Variants in USP32 observed in about 807,000 individuals in gnomAD.
The protein encoded by USP32 is ubiquitin specific peptidase 32.
USP32 carries 59 observed loss-of-function variants against 204.8 expected under a neutral mutation model. The observed-to-expected ratio is 0.29, with a 90% CI of 0.23 to 0.36. The LOEUF (loss-of-function observed/expected upper bound fraction) is 0.36. Ranked by LOEUF, USP32 falls within the 10% of genes least tolerant of loss-of-function variation. USP32 has a pLI of 1.00. For synonymous variants in USP32, 517 were observed against 678.4 expected (o/e 0.76, Z 3.70); for missense variants, 1,160 against 1,946.4 (o/e 0.60, Z 7.60).
chr17:60,255,256 C>G lies in USP32; in HGVS notation c.993G>C (p.Met331Ile). The change falls in exon 10 of 34, where the codon ATG becomes ATC. Residue 331 changes from methionine to isoleucine, a missense_variant and splice_region_variant. Met to Ile is a conservative substitution (Grantham distance 10). Transcript: ENST00000300896. ...GILNAHDTTKMGHLTLEDYQI... is the reference protein window; with the variant it reads ...GILNAHDTTKIGHLTLEDYQI... ...GATAGTCTTCCAGAGTAAGATGACC[C>G]ATCTGAAACAGAGACACTCATGTTA... 6.3e-7 allele frequency: 1 copy of G among 1,597,962 alleles called. No individual in the cohort carries two copies. Among genetic ancestry groups the G allele is most frequent in the Non-Finnish European group, 8.5e-7 (1 of 1,173,940 alleles).
chr17:60,212,811 T>A (rs2085005393), intron 18 of USP32, among the ~76,000 whole-genome samples: 1 of 152,100 alleles, frequency 6.6e-6, no homozygotes, highest in Non-Finnish European at 1.5e-5. Flanking sequence ...TGGAGTGCAG[T>A]GATGTGATCT....
intron 1 of USP32, among the ~76,000 whole-genome samples, chr17:60,373,386 G>A (rs905140307): frequency 1.3e-4 from 19 of 151,256 alleles, no homozygotes; most frequent in African/African-American, 4.4e-4. Context: ...GTGCAATTCG[G>A]TTACACCAAA....
Position 60,369,047 on chromosome 17 carries a change from T to TA in USP32, c.58+22834_58+22835insT, listed in dbSNP as rs1567879400. Reference sequence around the variant, plus strand: ...TCTCGCTCTGTCGCCCAGGCTGGAGTGCAGTGGCGGGATCTCGGCTCACTG... The same window carrying TA: ...TCTCGCTCTGTCGCCCAGGCTGGAGTAGCAGTGGCGGGATCTCGGCTCACTG... On this transcript the variant is annotated intron_variant, in intron 1 of 33. Coordinates refer to ENST00000300896, the MANE Select transcript of USP32 (RefSeq NM_032582.4). Among the ~76,000 whole-genome samples the TA allele has an allele frequency of 3.8e-4, 48 of 126,850 alleles. No homozygotes were observed. The East Asian group carries it at 8.5e-3, about 22-fold the overall frequency. 83.2% of individuals were successfully genotyped at this position (126,850 alleles called of 152,430 possible).
At chr17:60,196,806 C>CA (rs2084531382) in intron 27 of USP32, among the ~76,000 whole-genome samples, 2 of 152,008 alleles carry the variant, frequency 1.3e-5, no homozygotes, top group South Asian at 4.1e-4. Context: ...GCCTGGGTGA[C>CA]AGAGCGAGAC....
intron 3 of USP32, among the ~76,000 whole-genome samples, chr17:60,300,789 C>T (rs377505363): frequency 6.6e-6 from 1 of 152,126 alleles, no homozygotes; most frequent in Admixed American, 6.6e-5. Context: ...TATGTAATTC[C>T]AGAACATTTT....
chr17:60,296,557 A>G (rs2087434721), intron 3 of USP32, among the ~76,000 whole-genome samples: 2 of 152,358 alleles, frequency 1.3e-5, no homozygotes, highest in South Asian at 2.1e-4. Context: ...TTGGACTTCT[A>G]GCCTTCAGAA....
intron 17 of USP32, 105 bp from the exon 18 acceptor site, chr17:60,213,767 T>A: frequency 2.3e-6 from 3 of 1,332,222 alleles, no homozygotes; most frequent in Non-Finnish European, 3.0e-6. Context: ...TTTGTAGTTA[T>A]ATAACATATC....
intron 16 of USP32, among the ~76,000 whole-genome samples, chr17:60,215,487 A>G (rs2085077614): frequency 7.1e-6 from 1 of 140,812 alleles, no homozygotes; most frequent in East Asian, 2.0e-4. Context: ...GGACAGAGTT[A>G]AAAAAAAAAA....
At chr17:60,411,910 A>G (rs1174109717) in intron 1 of USP32, among the ~76,000 whole-genome samples, 1 of 152,078 alleles carries the variant, frequency 6.6e-6, no homozygotes, top group Non-Finnish European at 1.5e-5. Context: ...GGTTGTTTCC[A>G]CTTTTTGGCT....
At chr17:60,305,894 G>A (rs1421192989) in intron 2 of USP32, among the ~76,000 whole-genome samples, 6 of 151,952 alleles carry the variant, frequency 3.9e-5, no homozygotes, top group Middle Eastern at 3.2e-3. Context: ...CCTCCCTATC[G>A]CTCCCAAAAT....
chr17:60,389,128 C>T (rs1202888255), intron 1 of USP32, among the ~76,000 whole-genome samples: 1 of 152,128 alleles, frequency 6.6e-6, no homozygotes, highest in East Asian at 1.9e-4. Flanking sequence ...TCCTATCTAC[C>T]CTTTCCCCCA....
Position 60,287,203 on chromosome 17 carries a change from G to A in USP32, c.571+1320C>T, listed in dbSNP as rs114441917. Among the ~76,000 whole-genome samples the A allele has an allele frequency of 1.4e-3, 211 of 152,240 alleles. 1 individual carries two copies. Among genetic ancestry groups the A allele is most frequent in the African/African-American group, 4.6e-3 (189 of 41,538 alleles). ...GAAGGGCCTGGAGGGAGTCACACCC[G>A]TGAGCCAGTTAACGTTCTTTTCTGC... On this transcript the variant is annotated intron_variant, in intron 5 of 33. Coordinates refer to ENST00000300896, the MANE Select transcript of USP32 (RefSeq NM_032582.4).
At chr17:60,361,916 T>C (rs911237674) in intron 1 of USP32, among the ~76,000 whole-genome samples, 34 of 152,128 alleles carry the variant, frequency 2.2e-4, no homozygotes, top group African/African-American at 7.5e-4. Flanking sequence ...CACAAAGATA[T>C]AGTGTTAACA....
chr17:60,236,601 T>G (rs570019766), intron 11 of USP32, among the ~76,000 whole-genome samples: 1 of 152,330 alleles, frequency 6.6e-6, no homozygotes, highest in Non-Finnish European at 1.5e-5. Flanking sequence ...AATTTACATA[T>G]ATATAAAACT....
intron 1 of USP32, chr17:60,421,610 C>A: frequency 2.0e-6 from 2 of 980,662 alleles, no homozygotes; most frequent in South Asian, 9.4e-5. Context: ...AACGGTCTCT[C>A]GTCGCCGGGA....
chr17:60,267,835 CAG>C (rs1212819385), intron 7 of USP32, among the ~76,000 whole-genome samples: 1 of 145,720 alleles, frequency 6.9e-6, no homozygotes, highest in Non-Finnish European at 1.5e-5. Flanking sequence ...TCTTTTGAGA[CAG>C]AGTCTTGCTG....
At chr17:60,184,012 C>T (rs568894864) in intron 30 of USP32, among the ~76,000 whole-genome samples, 289 of 152,214 alleles carry the variant, frequency 1.9e-3, no homozygotes, top group Non-Finnish European at 3.3e-3. Context: ...GTCAGCCGGG[C>T]GCAGTGGCTC....
At chr17:60,368,665 A>G (rs1030120559) in intron 1 of USP32, among the ~76,000 whole-genome samples, 1 of 152,214 alleles carries the variant, frequency 6.6e-6, no homozygotes, top group Non-Finnish European at 1.5e-5. Context: ...AATAGTAAAC[A>G]TAAAGTAAGT....
chr17:60,413,574 G>A (rs1254410950), intron 1 of USP32, among the ~76,000 whole-genome samples: 1 of 152,102 alleles, frequency 6.6e-6, no homozygotes, highest in Non-Finnish European at 1.5e-5. Context: ...CAGCAGAAAA[G>A]AATGTTACTG....
Sources: allele counts gnomAD v4.1 joint callset (sites outside exome capture counted in the v4.1 genomes callset), GRCh38; gene constraint gnomAD v4.1.1; transcripts MANE v1.5; gene names NCBI Gene and HGNC (gene_info 2026-07-23, HGNC 2026-07-21).